Variants in NRSN1 observed in about 807,000 individuals in gnomAD.
NRSN1 encodes the protein neurensin 1.
In NRSN1, 14 loss-of-function variants were observed where a neutral mutation model predicts 17.3. The observed-to-expected ratio is 0.81, with a 90% CI of 0.54 to 1.27. NRSN1 has a LOEUF of 1.27. NRSN1 is among the 50% of genes most tolerant of loss of function. The pLI is 0.00. For synonymous variants in NRSN1, 79 were observed against 94.2 expected, an observed-to-expected ratio of 0.84 and a Z score of 0.93; for missense variants, 209 against 235.9, an observed-to-expected ratio of 0.89 and a Z score of 0.75.
At chr6:24,132,126 T>A (rs772349917) in intron 2 of NRSN1, among the ~76,000 whole-genome samples, 3 of 152,180 alleles carry the variant, frequency 2.0e-5, no homozygotes, top group Non-Finnish European at 2.9e-5. Flanking sequence ...AATAGCACCA[T>A]TTTTCTAAGA....
Position 24,142,700 on chromosome 6 carries a change from C to T in NRSN1, c.190-2848C>T, listed in dbSNP as rs1048141851. 1.1e-4 allele frequency among the ~76,000 whole-genome samples: 17 copies of T among 152,158 alleles called. No homozygotes were observed. The South Asian group carries it at 1.5e-3, about 13-fold the overall frequency. On this transcript the variant is annotated intron_variant, in intron 3 of 3. Coordinates refer to ENST00000378491, the MANE Select transcript of NRSN1 (RefSeq NM_080723.5). ...TCTTGTGTCCAGAAGTGGTTCCTCC[C>T]GGTGGATTTCTGGTCTCTCTGACTT... is the stretch of plus-strand genomic sequence containing the variant.
chr6:24,144,229 G>T (rs961572792), intron 3 of NRSN1, among the ~76,000 whole-genome samples: 1 of 152,120 alleles, frequency 6.6e-6, no homozygotes, highest in African/African-American at 2.4e-5. Context: ...TCCATCTTTG[G>T]TCCATGACTT....
At position 24,136,472 on chromosome 6, in the gene NRSN1, A is replaced by G. The variant is rs550989958; in HGVS notation, c.189+1956A>G. ...GATGAATCCTTACTGGCTTTAGCCA[A>G]TGAAATGCACAGCCAAGCTTGGCAC... On this transcript the variant is annotated intron_variant, in intron 3 of 3. Coordinates refer to ENST00000378491, the MANE Select transcript of NRSN1 (RefSeq NM_080723.5). 9.2e-5 allele frequency among the ~76,000 whole-genome samples: 14 copies of G among 152,204 alleles called. No homozygotes were observed. In the East Asian group the frequency reaches 2.5e-3, roughly 27 times the overall value.
intron 3 of NRSN1, among the ~76,000 whole-genome samples, chr6:24,135,699 A>G (rs1024296328): frequency 6.6e-6 from 1 of 152,212 alleles, no homozygotes; most frequent in Admixed American, 6.5e-5. Flanking sequence ...ATCTCTAGTG[A>G]CAATTTAAAT....
chr6:24,134,171 AG>A, intron 2 of NRSN1, 147 bp from the exon 3 acceptor site: 4 of 664,510 alleles, frequency 6.0e-6, no homozygotes, highest in Non-Finnish European at 1.0e-5. Context: ...GCCAAGAGAG[AG>A]GGGTCTTTAA....
intron 2 of NRSN1, 147 bp from the exon 3 acceptor site, chr6:24,134,172 G>C (rs1475595055): frequency 5.9e-6 from 4 of 672,868 alleles, no homozygotes; most frequent in Non-Finnish European, 9.9e-6. Flanking sequence ...CCAAGAGAGA[G>C]GGGTCTTTAA....
At chr6:24,142,190 G>GATTTTTT (rs1554140614) in intron 3 of NRSN1, among the ~76,000 whole-genome samples, 1 of 20,054 alleles carries the variant, frequency 5.0e-5, no homozygotes, top group Non-Finnish European at 1.6e-4. Flanking sequence ...ATACAGAACA[G>GATTTTTT]CTTTTTTTTT....
intron 2 of NRSN1, among the ~76,000 whole-genome samples, chr6:24,133,684 T>C (rs1443417829): frequency 1.3e-5 from 2 of 152,264 alleles, no homozygotes; most frequent in African/African-American, 4.8e-5. Context: ...ATTTCTTGTG[T>C]GCTTCATGCT....
chr6:24,136,847 A>G (rs907625814), intron 3 of NRSN1, among the ~76,000 whole-genome samples: 1 of 152,182 alleles, frequency 6.6e-6, no homozygotes, highest in Non-Finnish European at 1.5e-5. Flanking sequence ...ACAAAACACA[A>G]GAAGCCTAGT....
At position 24,140,878 on chromosome 6, in the gene NRSN1, G is replaced by C. The variant is rs1760192645; in HGVS notation, c.190-4670G>C. ...GTAGCCCCCACCAGCAGAATTTCTG[G>C]CATATAAATAAGTTCTCTTTCCTTT... On this transcript the variant is annotated intron_variant, in intron 3 of 3. Transcript: ENST00000378491. 6 of 1,290,410 alleles carry C rather than the reference G, an allele frequency of 4.6e-6. No homozygotes were observed. In the East Asian group the frequency reaches 1.9e-4, roughly 40 times the overall value. 79.9% of individuals were successfully genotyped at this position (1,290,410 alleles called of 1,614,324 possible).
At chr6:24,142,843 G>C (rs1041642755) in intron 3 of NRSN1, among the ~76,000 whole-genome samples, 8 of 152,188 alleles carry the variant, frequency 5.3e-5, no homozygotes, top group Non-Finnish European at 7.4e-5. Flanking sequence ...CTTCCACAGG[G>C]TGGAAAGAGA....
rs1314769336 is a variant in NRSN1 at position 24,145,387 on chromosome 6, C to A, written c.190-161C>A. ...TAAAATTAGAAAGATCATCTTTCAC[C>A]TTTTTCAACAGAAAATTAAGTAAGT... On this transcript the variant is annotated intron_variant, in intron 3 of 3. Transcript: ENST00000378491. This position sits in a 1 kb window ranked among gnomAD's most constrained non-coding sequence, Gnocchi z 4.4. Among the ~76,000 whole-genome samples the A allele has an allele frequency of 6.6e-6, 1 of 151,064 alleles. No individual in the cohort carries two copies. Among genetic ancestry groups the A allele is most frequent in the Admixed American group, 6.6e-5 (1 of 15,108 alleles).
chr6:24,134,635 T>C, intron 3 of NRSN1, 119 bp downstream of exon 3: 1 of 775,544 alleles, frequency 1.3e-6, no homozygotes. Flanking sequence ...CTCTTGGTGA[T>C]ACTAAATGCA....
At chr6:24,138,080 A>C (rs1760144130) in intron 3 of NRSN1, among the ~76,000 whole-genome samples, 2 of 152,214 alleles carry the variant, frequency 1.3e-5, no homozygotes, top group South Asian at 4.2e-4. Flanking sequence ...TGTAATAGAA[A>C]TTTCTCCGTA....
At chr6:24,142,191 CTT>C (rs751168423) in intron 3 of NRSN1, among the ~76,000 whole-genome samples, 13 of 44,456 alleles carry the variant, frequency 2.9e-4, no homozygotes, top group African/African-American at 9.0e-4. Context: ...TACAGAACAG[CTT>C]TTTTTTTTTT....
Position 24,134,430 on chromosome 6 carries a change from G to C in NRSN1, c.103G>C (p.Glu35Gln). The C allele has an allele frequency of 6.2e-7, 1 of 1,614,130 alleles. No homozygotes were observed. Among genetic ancestry groups the C allele is most frequent in the Non-Finnish European group, 8.5e-7 (1 of 1,179,988 alleles). ...CCGGTCCTACCTGCACCAGTTTTAT[G>C]AGGACTGTACAGCCTCAATTTGGGA... Reference protein sequence around the residue: ...GVRSYLHQFYEDCTASIWEYE... With the variant: ...GVRSYLHQFYQDCTASIWEYE... Residue 35 changes from glutamate to glutamine, a missense_variant, in exon 3 of 4, where the codon GAG (glutamate) becomes CAG (glutamine). Physicochemically the swap from Glu to Gln is conservative, Grantham distance 29 (BLOSUM62 2). Transcript: ENST00000378491.
chr6:24,145,596 C>T lies in NRSN1; in HGVS notation c.238C>T (p.Leu80=), dbSNP rs1210128574. The T allele has an allele frequency of 6.2e-7, 1 of 1,610,938 alleles. No homozygotes were observed. The highest frequency in any genetic ancestry group is 1.3e-5 in the African/African-American group (1 of 74,868). ...TTTTGTGATCCTCGGATTGACTGTT[C>T]TGGCAGTGGGCTTTCTTGTGCCCCC... ...TVFVILGLTV[L]AVGFLVPPKI... is the part of the protein sequence containing the mutation. Residue 80 remains leucine, a synonymous_variant, in exon 4 of 4, where the codon CTG becomes TTG. Coordinates refer to ENST00000378491, the MANE Select transcript of NRSN1 (RefSeq NM_080723.5). This position sits in a 1 kb window ranked among gnomAD's most constrained non-coding sequence, Gnocchi z 4.4.
intron 2 of NRSN1, chr6:24,128,569 AT>A (rs1224055775): frequency 6.6e-6 from 1 of 152,244 alleles, no homozygotes; most frequent in African/African-American, 2.4e-5. Context: ...AGAATGCCTG[AT>A]TTAAAAGTGA....
chr6:24,139,616 T>C (rs1760170389), intron 3 of NRSN1, among the ~76,000 whole-genome samples: 1 of 152,184 alleles, frequency 6.6e-6, no homozygotes, highest in South Asian at 2.1e-4. Context: ...TCCTGTTGGT[T>C]GTCAGAAATA....
Sources: allele counts gnomAD v4.1 joint callset (sites outside exome capture counted in the v4.1 genomes callset), GRCh38; gene constraint gnomAD v4.1.1; non-coding constraint Gnocchi (gnomAD v3.1); transcripts MANE v1.5; gene names NCBI Gene and HGNC (gene_info 2026-07-23, HGNC 2026-07-21).